Variants in SLC35A4 observed in about 807,000 individuals in gnomAD.
SLC35A4 encodes solute carrier family 35 member A4.
Under a neutral mutation model 18.8 loss-of-function variants are expected in SLC35A4, and 9 were observed. The observed-to-expected ratio is 0.48, with a 90% CI of 0.29 to 0.83. SLC35A4 has a LOEUF of 0.83. Ranked by LOEUF, SLC35A4 falls within the 40% of genes least tolerant of loss-of-function variation. SLC35A4 has a pLI of 0.09. For synonymous variants in SLC35A4, 189 were observed against 191.9 expected, an observed-to-expected ratio of 0.98 and a Z score of 0.13; for missense variants, 404 against 415.5, an observed-to-expected ratio of 0.97 and a Z score of 0.24.
rs1027145334 is a variant in SLC35A4, at chr5:140,568,143, A to G, written c.974A>G (p.Ter325TrpextTer61). 1.2e-6 allele frequency: 2 copies of G among 1,613,808 alleles called. No homozygotes were observed. The highest frequency in any genetic ancestry group is 4.5e-5 in the East Asian group (2 of 44,884). ...LAMRLYYGSR[*>W] ...ATGCGCCTGTACTATGGCAGCCGCT[A>G]GTCCCTGACAACTTCCACCCTGATT... is the stretch of plus-strand genomic sequence containing the variant. The change falls in exon 3 of 3, where the codon TAG becomes TGG. Residue 325 changes from the stop codon to tryptophan, a stop_lost. Coordinates refer to ENST00000323146, the MANE Select transcript of SLC35A4 (RefSeq NM_080670.4).
At position 140,564,838 on chromosome 5, in the gene SLC35A4, G is replaced by A; in HGVS notation, c.-725G>A. The A allele has an allele frequency of 2.5e-6, 1 of 403,596 alleles. No homozygotes were observed. The highest frequency in any genetic ancestry group is 4.3e-5 in the Admixed American group (1 of 23,120). 25.0% of individuals were successfully genotyped at this position (403,596 alleles called of 1,614,324 possible). On this transcript the variant is annotated 5_prime_UTR_variant, in exon 1 of 3. Transcript: ENST00000323146. The surrounding 1 kb of genome is among the most constrained non-coding windows in gnomAD (Gnocchi z 5.0). ...ATGCGCCTGCGCAACAAGTTCGGCG[G>A]GGAAGATGGCGGATGACAAGGTGAG...
In SLC35A4 at chr5:140,568,054, A is replaced by C; in HGVS notation, c.885A>C (p.Ala295=). The change falls in exon 3 of 3, where the codon GCA becomes GCC. Residue 295 remains alanine (A), a synonymous_variant. Transcript: ENST00000323146. ...CSLVVNAVLS[A]VLLRLQLTAA... ...TGGTGGTCAACGCCGTGCTCTCAGCAGTCCTGCTACGGCTGCAGCTCACAG... is the reference window on the plus strand; with the variant it reads ...TGGTGGTCAACGCCGTGCTCTCAGCCGTCCTGCTACGGCTGCAGCTCACAG... 1 of 1,614,014 alleles carries C rather than the reference A, an allele frequency of 6.2e-7. No homozygotes were observed. The highest frequency in any genetic ancestry group is 2.2e-5 in the East Asian group (1 of 44,884).
Position 140,567,662 on chromosome 5 carries a change from G to A in SLC35A4, c.493G>A (p.Gly165Arg), listed in dbSNP as rs752574179. The A allele has an allele frequency of 4.9e-5, 79 of 1,613,886 alleles. No individual in the cohort carries two copies. In the Middle Eastern group the frequency reaches 4.9e-4, roughly 10 times the overall value. ...TGCAGCAGGGGGCCTTCAAGTTCCCGGGAACACCCTTCCCAGTCCCCCTCC... is the reference window on the plus strand; with the variant it reads ...TGCAGCAGGGGGCCTTCAAGTTCCCAGGAACACCCTTCCCAGTCCCCCTCC... ...CYAAGGLQVP[G>R]NTLPSPPPAA... Residue 165 changes from glycine (G) to arginine (R), a missense_variant, in exon 3 of 3, where the codon GGG (glycine) becomes AGG (arginine). Gly to Arg is a moderately radical substitution (Grantham distance 125, BLOSUM62 -2). Transcript: ENST00000323146.
At position 140,566,749 on chromosome 5, in the gene SLC35A4, A is replaced by T. The variant is rs1755197599; in HGVS notation, c.-421A>T. ...AGGGACTATTTGCAGTTGCTACGCA[A>T]GGGGCCCGACTAGCTCTAGGTGCCA... On this transcript the variant is annotated 5_prime_UTR_variant, in exon 3 of 3. In the 5' UTR this introduces an upstream ATG that the reference lacks. Coordinates refer to ENST00000323146, the MANE Select transcript of SLC35A4 (RefSeq NM_080670.4). The T allele has an allele frequency of 1.7e-6, 1 of 593,452 alleles. No individual in the cohort carries two copies. Among genetic ancestry groups the T allele is most frequent in the African/African-American group, 1.9e-5 (1 of 53,758 alleles). The allele number at this position is 593,452 out of a possible 1,614,324, so 36.8% of individuals were successfully genotyped here.
rs200911252 is a variant in SLC35A4 at position 140,567,437 on chromosome 5, G to A, written c.268G>A (p.Ala90Thr). The A allele has an allele frequency of 1.3e-4, 204 of 1,614,090 alleles. 4 individuals carry two copies. The South Asian group carries it at 2.0e-3, about 15-fold the overall frequency. ...PPPWRQAAPFALSALLYGANN... is the reference protein window; with the variant it reads ...PPPWRQAAPFTLSALLYGANN... ...ACCCTGGCGCCAGGCTGCTCCCTTC[G>A]CACTATCAGCCCTGCTCTATGGCGC... The change falls in exon 3 of 3, where the codon GCA becomes ACA. Residue 90 changes from alanine (A) to threonine (T), a missense_variant. Ala to Thr is a moderately conservative substitution (Grantham distance 58). Coordinates refer to ENST00000323146, the MANE Select transcript of SLC35A4 (RefSeq NM_080670.4).
In SLC35A4 at chr5:140,568,139, C is replaced by T. The variant is rs199583070; in HGVS notation, c.970C>T (p.Arg324Cys). 1.2e-4 allele frequency: 200 copies of T among 1,613,776 alleles called. 1 individual carries two copies. The highest frequency in any genetic ancestry group is 2.7e-4 in the East Asian group (12 of 44,888). ...GGCCATGCGCCTGTACTATGGCAGC[C>T]GCTAGTCCCTGACAACTTCCACCCT... ...GLAMRLYYGSR is the reference protein window; with the variant it reads ...GLAMRLYYGSC Residue 324 changes from arginine (R) to cysteine (C), a missense_variant, in exon 3 of 3, where the codon CGC (arginine) becomes TGC (cysteine). By Grantham distance (180) the Arg-to-Cys change is radical (BLOSUM62 -3). Transcript: ENST00000323146.
chr5:140,565,764 A>AAGCTTCCTAT (rs1254601105), intron 1 of SLC35A4, 109 bp from the exon 2 acceptor site: 1 of 396,180 alleles, frequency 2.5e-6, no homozygotes, highest in Non-Finnish European at 4.4e-6. Context: ...TTTATAGGAA[A>AAGCTTCCTAT]AGGTCTTTCT....
Position 140,568,009 on chromosome 5 carries a change from C to T in SLC35A4, c.840C>T (p.Leu280=). 1 of 1,614,108 alleles carries T rather than the reference C, an allele frequency of 6.2e-7. No homozygotes were observed. Among genetic ancestry groups the T allele is most frequent in the Non-Finnish European group, 8.5e-7 (1 of 1,180,012 alleles). Reference sequence around the variant, plus strand: ...AGCATGGCAGCAGCATCACACGCCTCTTTGTGGTGTCCTGCTCGCTGGTGG... The same window carrying T: ...AGCATGGCAGCAGCATCACACGCCTTTTTGTGGTGTCCTGCTCGCTGGTGG... The part of the protein sequence containing the change: ...VMKHGSSITR[L]FVVSCSLVVN... Residue 280 remains leucine, a synonymous_variant, in exon 3 of 3, where the codon CTC becomes CTT. Transcript: ENST00000323146.
At chr5:140,565,181 C>T (rs1755154985) in intron 1 of SLC35A4, 2 of 333,638 alleles carry the variant, frequency 6.0e-6, no homozygotes, top group South Asian at 1.6e-4. Flanking sequence ...CCCAGTGACA[C>T]GATGTTTCCA....
At position 140,567,695 on chromosome 5, in the gene SLC35A4, G is replaced by C; in HGVS notation, c.526G>C (p.Ala176Pro). The C allele has an allele frequency of 6.2e-7, 1 of 1,614,054 alleles. No individual in the cohort carries two copies. Among genetic ancestry groups the C allele is most frequent in the Non-Finnish European group, 8.5e-7 (1 of 1,180,016 alleles). The change falls in exon 3 of 3, where the codon GCT becomes CCT. Residue 176 changes from alanine (A) to proline (P), a missense_variant. Transcript: ENST00000323146. ...NTLPSPPPAAAASPMPLHITP... is the reference protein window; with the variant it reads ...NTLPSPPPAAPASPMPLHITP... ...CCTTCCCAGTCCCCCTCCAGCAGCT[G>C]CTGCCAGCCCCATGCCCCTGCATAT... is the stretch of plus-strand genomic sequence containing the variant.
intron 1 of SLC35A4, chr5:140,565,505 CCAA>C: frequency 6.1e-6 from 1 of 164,146 alleles, no homozygotes; most frequent in Non-Finnish European, 1.3e-5. Flanking sequence ...AACATAGTAG[CCAA>C]GACAGACTGG....
In SLC35A4 at chr5:140,564,887, C is replaced by T; in HGVS notation, c.-705+29C>T. The T allele has an allele frequency of 2.8e-6, 1 of 360,016 alleles. No individual in the cohort carries two copies. The highest frequency in any genetic ancestry group is 4.9e-6 in the Non-Finnish European group (1 of 203,504). 22.3% of individuals were successfully genotyped at this position (360,016 alleles called of 1,614,324 possible). On this transcript the variant is annotated intron_variant, in intron 1 of 2. Transcript: ENST00000323146. This position sits in a 1 kb window ranked among gnomAD's most constrained non-coding sequence, Gnocchi z 5.0. ...AGTGGCCGTGGGGGTGATCTGCAGCCGGGCGTGGTCTTCACTCTCCTTGAC... is the reference window on the plus strand; with the variant it reads ...AGTGGCCGTGGGGGTGATCTGCAGCTGGGCGTGGTCTTCACTCTCCTTGAC...
At position 140,567,736 on chromosome 5, in the gene SLC35A4, G is replaced by T; in HGVS notation, c.567G>T (p.Leu189=). 6.2e-7 allele frequency: 1 copy of T among 1,614,146 alleles called. No individual in the cohort carries two copies. Among genetic ancestry groups the T allele is most frequent in the Non-Finnish European group, 8.5e-7 (1 of 1,180,042 alleles). The change falls in exon 3 of 3, where the codon CTG becomes CTT. Residue 189 remains leucine, a synonymous_variant. Coordinates refer to ENST00000323146, the MANE Select transcript of SLC35A4 (RefSeq NM_080670.4). ...CCCTGCATATCACTCCGCTAGGCCT[G>T]CTGCTCCTCATTCTGTACTGCCTCA... ...PMPLHITPLG[L]LLLILYCLIS...
At position 140,568,219 on chromosome 5, in the gene SLC35A4, C is replaced by T; in HGVS notation, c.*75C>T. On this transcript the variant is annotated 3_prime_UTR_variant, in exon 3 of 3. Coordinates refer to ENST00000323146, the MANE Select transcript of SLC35A4 (RefSeq NM_080670.4). ...CACCAGATCCCCCTCCCAGGCCTTC[C>T]TCCCTCTCCCATCAGCAGCCCTGTA... is the stretch of plus-strand genomic sequence containing the variant. The T allele has an allele frequency of 1.9e-6, 3 of 1,606,864 alleles. No individual in the cohort carries two copies. Among genetic ancestry groups the T allele is most frequent in the South Asian group, 1.1e-5 (1 of 89,904 alleles).
Position 140,565,871 on chromosome 5 carries a change from A to AG in SLC35A4, c.-704dup. On this transcript the variant is annotated splice_acceptor_variant, in intron 1 of 2. Transcript: ENST00000323146. LOFTEE classifies it low-confidence loss of function (5UTR_SPLICE). The stretch of plus-strand genomic sequence containing the variant: ...CTGGAGCCAGCCTCTCGCTTGTCCT[A>AG]GGATTCTCTGCCTAAGCTTAAGGAC... The AG allele has an allele frequency of 5.0e-6, 2 of 398,938 alleles. No homozygotes were observed. The highest frequency in any genetic ancestry group is 8.8e-5 in the Admixed American group (2 of 22,736). 24.7% of individuals were successfully genotyped at this position (398,938 alleles called of 1,614,324 possible). A position where few individuals can be genotyped will look rare whatever the true frequency, so the allele number is the denominator to read the frequency against.
In SLC35A4 at chr5:140,569,019, A is replaced by G. The variant is rs1268020483; in HGVS notation, c.*875A>G. ...CCAGGTACAGGAAACCTGTAGCTCA[A>G]TCAGTGTCTCTTTAACTGCATAAGC... On this transcript the variant is annotated 3_prime_UTR_variant, in exon 3 of 3. Coordinates refer to ENST00000323146, the MANE Select transcript of SLC35A4 (RefSeq NM_080670.4). 1 of 167,102 alleles carries G rather than the reference A, an allele frequency of 6.0e-6. No homozygotes were observed. The highest frequency in any genetic ancestry group is 1.5e-5 in the Non-Finnish European group (1 of 68,118). The allele number at this position is 167,102 out of a possible 1,614,324, so 10.4% of individuals were successfully genotyped here.
At chr5:140,565,207 A>G in intron 1 of SLC35A4, 2 of 303,686 alleles carry the variant, frequency 6.6e-6, no homozygotes, top group Non-Finnish European at 1.2e-5. Context: ...ACGGACACTC[A>G]CACCACCCTC....
chr5:140,566,290 C>T (rs894080434), intron 2 of SLC35A4, among the ~76,000 whole-genome samples: 110 of 152,242 alleles, frequency 7.2e-4, no homozygotes, highest in African/African-American at 2.5e-3. Flanking sequence ...GGAAATGAGG[C>T]TGGAGAAACC....
rs780575586 is a variant in SLC35A4, at chr5:140,567,697, T to G, written c.528T>G (p.Ala176=). The change falls in exon 3 of 3, where the codon GCT becomes GCG. Residue 176 remains alanine (A), a synonymous_variant. Transcript: ENST00000323146. ...TTCCCAGTCCCCCTCCAGCAGCTGC[T>G]GCCAGCCCCATGCCCCTGCATATCA... is the stretch of plus-strand genomic sequence containing the variant. ...NTLPSPPPAA[A]ASPMPLHITP... The G allele has an allele frequency of 3.1e-6, 5 of 1,614,142 alleles. No homozygotes were observed. The highest frequency in any genetic ancestry group is 4.2e-6 in the Non-Finnish European group (5 of 1,180,036).
Sources: allele counts gnomAD v4.1 joint callset (sites outside exome capture counted in the v4.1 genomes callset), GRCh38; gene constraint gnomAD v4.1.1; non-coding constraint Gnocchi (gnomAD v3.1); transcripts MANE v1.5; gene names NCBI Gene and HGNC (gene_info 2026-07-23, HGNC 2026-07-21).